The following PPP1R36 variants were observed in gnomAD, a reference collection of about 807,000 sequenced individuals.
The protein encoded by PPP1R36 is protein phosphatase 1 regulatory subunit 36.
PPP1R36 carries 47 observed loss-of-function variants against 53.4 expected under a neutral mutation model. The observed-to-expected ratio is 0.88, with a 90% confidence interval of 0.70 to 1.12. PPP1R36 has a LOEUF of 1.12. Ranked by LOEUF, PPP1R36 falls within the 50% of genes most tolerant of loss-of-function variation. The probability of loss-of-function intolerance (pLI) is 0.00; values close to 1 mark genes in which losing one functional copy is unlikely to be tolerated. For synonymous variants in PPP1R36, 153 were observed against 170.5 expected (o/e 0.90, Z 0.80); for missense variants, 456 against 513.9 (o/e 0.89, Z 1.09).
At chr14:64,551,064 T>C in intron 2 of PPP1R36, 79 bp downstream of exon 2, 1 of 944,960 alleles carries the variant, frequency 1.1e-6, no homozygotes, top group Non-Finnish European at 1.6e-6. Flanking sequence ...CAGAAGAGTA[T>C]AGAGAATAAA....
rs149616368 is a variant in PPP1R36 at position 64,568,351 on chromosome 14, A to C, written c.437A>C (p.Asn146Thr). ...TGTTGTTTCAAATCTCCCCATAGGA[A>C]TAAGAATCTTGATAATTTCCTCATG... ...RICSFTTFMR[N>T]KNLDNFLMAL... is the part of the protein sequence containing the mutation. The change falls in exon 7 of 12, where the codon AAT becomes ACT. Residue 146 changes from asparagine (N) to threonine (T), a missense_variant and splice_region_variant. Asn to Thr is a moderately conservative substitution (Grantham distance 65). Transcript: ENST00000298705. 1.5e-5 allele frequency: 21 copies of C among 1,406,446 alleles called. No individual in the cohort carries two copies. In the African/African-American group the frequency reaches 2.9e-4, roughly 19 times the overall value. The allele number at this position is 1,406,446 out of a possible 1,614,324, so 87.1% of individuals were successfully genotyped here. A position where few individuals can be genotyped will look rare whatever the true frequency, so the allele number is the denominator to read the frequency against.
At chr14:64,587,025 C>A in intron 9 of PPP1R36, 146 bp downstream of exon 9, 2 of 797,334 alleles carry the variant, frequency 2.5e-6, no homozygotes, top group South Asian at 3.7e-5. Flanking sequence ...AATTGTTGGT[C>A]TGATTTTCCT....
intron 3 of PPP1R36, among the ~76,000 whole-genome samples, chr14:64,557,589 A>G (rs187061329): frequency 7.0e-4 from 106 of 152,336 alleles, no homozygotes; most frequent in African/African-American, 2.5e-3. Flanking sequence ...AGTCTTTAAA[A>G]TAAGGTTTGT....
intron 6 of PPP1R36, 74 bp downstream of exon 6, chr14:64,565,766 C>T: frequency 1.7e-6 from 2 of 1,157,546 alleles, no homozygotes; most frequent in Non-Finnish European, 2.6e-6. Context: ...TAAGTGATGA[C>T]AAATCTGATT....
chr14:64,574,596 A>G lies in PPP1R36; in HGVS notation c.668+7A>G. 6.2e-7 allele frequency: 1 copy of G among 1,607,576 alleles called. No individual in the cohort carries two copies. Among genetic ancestry groups the G allele is most frequent in the South Asian group, 1.1e-5 (1 of 89,398 alleles). On this transcript the variant is annotated splice_region_variant and intron_variant, in intron 8 of 11. Transcript: ENST00000298705. ...ATCACATGTGCTGTGGAAAGTAAGC[A>G]GATACTTACACTTCATTAGATCATC...
chr14:64,556,762 A>ATTGTGTG (rs1555351248), intron 3 of PPP1R36, among the ~76,000 whole-genome samples: 1 of 133,970 alleles, frequency 7.5e-6, no homozygotes, highest in African/African-American at 2.8e-5. Flanking sequence ...TCTCCAAAAA[A>ATTGTGTG]TGTGTGTGTG....
chr14:64,552,667 C>CATTATATTTATA (rs2080104950), intron 2 of PPP1R36, 147 bp from the exon 3 acceptor site: 1 of 613,604 alleles, frequency 1.6e-6, no homozygotes, highest in African/African-American at 1.9e-5. Context: ...AATATAATGA[C>CATTATATTTATA]ATGTTTCATG....
chr14:64,557,886 G>A (rs2080169728), intron 3 of PPP1R36, among the ~76,000 whole-genome samples: 1 of 152,180 alleles, frequency 6.6e-6, no homozygotes, highest in Non-Finnish European at 1.5e-5. Context: ...GCAGGCGCCT[G>A]TAATCCCAGC....
chr14:64,561,811 A>C (rs1235733347), intron 3 of PPP1R36: 1 of 456,032 alleles, frequency 2.2e-6, no homozygotes, highest in Non-Finnish European at 4.4e-6. Flanking sequence ...AAGCTGGCAG[A>C]GAACCAGCAG....
intron 11 of PPP1R36, 83 bp from the exon 12 acceptor site, chr14:64,589,069 C>A: frequency 2.9e-6 from 3 of 1,017,206 alleles, no homozygotes; most frequent in Non-Finnish European, 4.5e-6. Flanking sequence ...CACATACATA[C>A]ACACAACCAC....
At chr14:64,559,045 G>T (rs1213678036) in intron 3 of PPP1R36, among the ~76,000 whole-genome samples, 4 of 152,088 alleles carry the variant, frequency 2.6e-5, no homozygotes, top group Non-Finnish European at 5.9e-5. Context: ...TGTTAGTTTT[G>T]ATTTAAAGGT....
rs150962325 is a variant in PPP1R36 at position 64,567,445 on chromosome 14, C to T, written c.435-904C>T. On this transcript the variant is annotated intron_variant, in intron 6 of 11. Coordinates refer to ENST00000298705, the MANE Select transcript of PPP1R36 (RefSeq NM_172365.3). ...TCTATTCAGCTCTTTAAAAGAAAGA[C>T]GGAAATCTACATATAATATCATAGA... 3.2e-4 allele frequency among the ~76,000 whole-genome samples: 49 copies of T among 152,178 alleles called. 2 individuals carry two copies. In the East Asian group the frequency reaches 7.7e-3, roughly 24 times the overall value.
At chr14:64,588,316 A>C (rs2080453720) in intron 11 of PPP1R36, 21 bp downstream of exon 11, 1 of 1,580,852 alleles carries the variant, frequency 6.3e-7, no homozygotes, top group South Asian at 1.2e-5. Flanking sequence ...TGGCAAGAGA[A>C]GCATGAGTGC....
Position 64,561,842 on chromosome 14 carries a change from G to T in PPP1R36, c.183-2909G>T, listed in dbSNP as rs144779838. ...AGCAGTCTGCCTGAATGTTTGCCAA[G>T]GTCATGGACTCCCCTGAGGACATAA... On this transcript the variant is annotated intron_variant, in intron 3 of 11. Transcript: ENST00000298705. The T allele has an allele frequency of 8.7e-4, 398 of 455,974 alleles. 2 individuals carry two copies. Among genetic ancestry groups the T allele is most frequent in the African/African-American group, 7.3e-3 (368 of 50,156 alleles). 28.2% of individuals were successfully genotyped at this position (455,974 alleles called of 1,614,324 possible).
rs375418948 is a variant in PPP1R36, at chr14:64,589,266, T to C, written c.1197T>C (p.Asn399=). 6.2e-7 allele frequency: 1 copy of C among 1,613,794 alleles called. No homozygotes were observed. Among genetic ancestry groups the C allele is most frequent in the Non-Finnish European group, 8.5e-7 (1 of 1,179,876 alleles). ...GATATCCTTCCTTGATGGAAAACAA[T>C]AACATGAGGATTCAGGATACACTGG... The part of the protein sequence containing the change: ...FGRYPSLMEN[N]NMRIQDTLDL... Residue 399 remains asparagine (N), a synonymous_variant, in exon 12 of 12, where the codon AAT becomes AAC. Transcript: ENST00000298705.
chr14:64,578,605 A>G (rs1335068578), intron 8 of PPP1R36, among the ~76,000 whole-genome samples: 1 of 152,244 alleles, frequency 6.6e-6, no homozygotes, highest in African/African-American at 2.4e-5. Flanking sequence ...AAGTCAAAAA[A>G]TAACAGATGC....
chr14:64,580,775 T>C (rs2080382392), intron 8 of PPP1R36, among the ~76,000 whole-genome samples: 2 of 152,256 alleles, frequency 1.3e-5, no homozygotes, highest in East Asian at 1.9e-4. Context: ...GTGGCTTTTA[T>C]GCAGGAGAAG....
At chr14:64,587,981 T>C in intron 10 of PPP1R36, 123 bp from the exon 11 acceptor site, 2 of 913,034 alleles carry the variant, frequency 2.2e-6, no homozygotes, top group Non-Finnish European at 3.2e-6. Flanking sequence ...TGGGCTCAAG[T>C]GATCCTCCCG....
intron 3 of PPP1R36, among the ~76,000 whole-genome samples, chr14:64,560,441 G>GAAAAAAAAAAAAAAAAAAAAAAAA: frequency 8.5e-6 from 1 of 117,984 alleles, no homozygotes. Flanking sequence ...CCTATCTCAA[G>GAAAAAAAAAAAAAAAAAAAAAAAA]AAAAAAAAAA....
Sources: allele counts gnomAD v4.1 joint callset (sites outside exome capture counted in the v4.1 genomes callset), GRCh38; gene constraint gnomAD v4.1.1; transcripts MANE v1.5; gene names NCBI Gene and HGNC (gene_info 2026-07-23, HGNC 2026-07-21).